The following SNX1 variants were observed in gnomAD, a reference collection of about 807,000 sequenced individuals.
SNX1 encodes the protein sorting nexin-1.
In SNX1, 36 loss-of-function variants were observed where a neutral mutation model predicts 71.8. The observed-to-expected ratio is 0.50, with a 90% confidence interval of 0.38 to 0.66. The LOEUF is 0.66. Ranked by LOEUF, SNX1 falls within the 30% of genes least tolerant of loss-of-function variation. SNX1 has a pLI of 0.00. For missense variants in SNX1, 612 were observed against 646.7 expected (o/e 0.95, Z 0.58); for synonymous variants, 254 against 240.7 (o/e 1.06, Z -0.51).
At chr15:64,101,098 G>C (rs1164448350) in intron 1 of SNX1, among the ~76,000 whole-genome samples, 1 of 152,144 alleles carries the variant, frequency 6.6e-6, no homozygotes. Context: ...CACCACGCTT[G>C]GCCCAAAAAC....
chr15:64,097,557 C>T (rs1211737537), intron 1 of SNX1, among the ~76,000 whole-genome samples: 10 of 152,182 alleles, frequency 6.6e-5, no homozygotes, highest in Admixed American at 6.5e-4. Flanking sequence ...TGCCTCCAGA[C>T]CCTATTCTCC....
At chr15:64,110,360 C>G (rs1281479433) in intron 1 of SNX1, among the ~76,000 whole-genome samples, 1 of 152,078 alleles carries the variant, frequency 6.6e-6, no homozygotes, top group Non-Finnish European at 1.5e-5. Flanking sequence ...TGTTATCTAG[C>G]TTACTAAGGG....
At chr15:64,121,612 A>T (rs1033094605) in intron 4 of SNX1, among the ~76,000 whole-genome samples, 4 of 152,218 alleles carry the variant, frequency 2.6e-5, no homozygotes, top group African/African-American at 9.6e-5. Context: ...ATTCTGAGGA[A>T]CTGGGAGTTA....
In SNX1 at chr15:64,138,778, C is replaced by T. The variant is rs1408951857; in HGVS notation, c.*1160C>T. On this transcript the variant is annotated 3_prime_UTR_variant, in exon 15 of 15. Coordinates refer to ENST00000559844, the MANE Select transcript of SNX1 (RefSeq NM_003099.5). ...CCCCTTAGCTGTGTCCACAGCTGCTCAAGCTATACTGGTCAGAGTGGGCTT... is the reference window on the plus strand; with the variant it reads ...CCCCTTAGCTGTGTCCACAGCTGCTTAAGCTATACTGGTCAGAGTGGGCTT... 1 of 152,360 alleles carries T rather than the reference C, an allele frequency of 6.6e-6. No individual in the cohort carries two copies. Among genetic ancestry groups the T allele is most frequent in the East Asian group, 1.9e-4 (1 of 5,198 alleles). 9.4% of individuals were successfully genotyped at this position (152,360 alleles called of 1,614,324 possible).
chr15:64,125,998 C>G, intron 5 of SNX1, 81 bp from the exon 6 acceptor site: 1 of 1,476,624 alleles, frequency 6.8e-7, no homozygotes, highest in Non-Finnish European at 9.4e-7. Flanking sequence ...AAATGGGTTT[C>G]TTTAATGTCA....
intron 6 of SNX1, among the ~76,000 whole-genome samples, 180 bp downstream of exon 6, chr15:64,126,400 C>G (rs371113211): frequency 1.3e-5 from 2 of 152,150 alleles, no homozygotes; most frequent in South Asian, 4.1e-4. Flanking sequence ...GGCATGTTCT[C>G]CTTGGGTGCA....
intron 2 of SNX1, among the ~76,000 whole-genome samples, chr15:64,117,255 A>C (rs2081139041): frequency 1.3e-5 from 2 of 152,030 alleles, no homozygotes; most frequent in South Asian, 4.2e-4. Context: ...TTTTACAAGC[A>C]ATTTTTTTTC....
chr15:64,126,293 G>T, intron 6 of SNX1, 73 bp downstream of exon 6: 2 of 1,456,956 alleles, frequency 1.4e-6, no homozygotes, highest in South Asian at 2.5e-5. Context: ...TCACTGTTCA[G>T]TATATGAGAC....
intron 4 of SNX1, among the ~76,000 whole-genome samples, chr15:64,119,929 A>G (rs2081178242): frequency 6.6e-6 from 1 of 152,276 alleles, no homozygotes; most frequent in Middle Eastern, 3.4e-3. Flanking sequence ...TGATAACCTT[A>G]TGAGGTGGGG....
rs974561662 is a variant in SNX1, at chr15:64,134,212, G to A, written c.1222-452G>A. 1 of 154,166 alleles carries A rather than the reference G, an allele frequency of 6.5e-6. No individual in the cohort carries two copies. The allele number at this position is 154,166 out of a possible 1,614,324, so 9.5% of individuals were successfully genotyped here. A position where few individuals can be genotyped will look rare whatever the true frequency, so the allele number is the denominator to read the frequency against. ...GTAGTCTGCATACTTGTATCTATTTGTAATTGTAAATGTAATGTTGGCCTT... is the reference window on the plus strand; with the variant it reads ...GTAGTCTGCATACTTGTATCTATTTATAATTGTAAATGTAATGTTGGCCTT... On this transcript the variant is annotated intron_variant, in intron 11 of 14. Transcript: ENST00000559844. This position sits in a 1 kb window ranked among gnomAD's most constrained non-coding sequence, Gnocchi z 4.1.
In SNX1 at chr15:64,134,942, G is replaced by A. The variant is rs1011254375; in HGVS notation, c.1365+135G>A. On this transcript the variant is annotated intron_variant, in intron 12 of 14. Transcript: ENST00000559844. This position sits in a 1 kb window ranked among gnomAD's most constrained non-coding sequence, Gnocchi z 4.1. ...AGTCTAAAGGGCCGTGGCTGCTGAG[G>A]AAGCCTCTGAGAATGACTCCAGGCC... The A allele has an allele frequency of 5.0e-6, 6 of 1,191,204 alleles. No homozygotes were observed. The African/African-American group carries it at 7.7e-5, about 15-fold the overall frequency. 73.8% of individuals were successfully genotyped at this position (1,191,204 alleles called of 1,614,324 possible). A position where few individuals can be genotyped will look rare whatever the true frequency, so the allele number is the denominator to read the frequency against.
chr15:64,112,849 A>G (rs1283967669), intron 2 of SNX1, among the ~76,000 whole-genome samples, 165 bp downstream of exon 2: 1 of 152,232 alleles, frequency 6.6e-6, no homozygotes, highest in Non-Finnish European at 1.5e-5. Context: ...CCTGCCATCA[A>G]GATTCTTTCA....
At chr15:64,110,792 C>T (rs1035423160) in intron 1 of SNX1, among the ~76,000 whole-genome samples, 2 of 152,170 alleles carry the variant, frequency 1.3e-5, no homozygotes, top group Non-Finnish European at 2.9e-5. Context: ...GTGTGTCTGT[C>T]TCTTGAGGGA....
intron 2 of SNX1, among the ~76,000 whole-genome samples, chr15:64,115,381 A>G (rs1225482875): frequency 6.6e-6 from 1 of 152,142 alleles, no homozygotes; most frequent in Non-Finnish European, 1.5e-5. Flanking sequence ...TGACTGTGGA[A>G]ACTTAAACGT....
intron 1 of SNX1, among the ~76,000 whole-genome samples, chr15:64,102,146 T>C (rs945645867): frequency 6.6e-6 from 1 of 152,208 alleles, no homozygotes; most frequent in Non-Finnish European, 1.5e-5. Flanking sequence ...AAATATCTAT[T>C]GAATTTTATT....
intron 2 of SNX1, among the ~76,000 whole-genome samples, chr15:64,116,686 T>C (rs1179959178): frequency 2.0e-5 from 3 of 152,214 alleles, no homozygotes; most frequent in South Asian, 4.1e-4. Context: ...CAAACCCAAA[T>C]TGACATTTAT....
intron 11 of SNX1, 81 bp downstream of exon 11, chr15:64,131,973 C>A: frequency 6.9e-7 from 1 of 1,453,258 alleles, no homozygotes; most frequent in South Asian, 1.2e-5. Flanking sequence ...AAGACAGTTT[C>A]ATCCCATTAT....
intron 2 of SNX1, among the ~76,000 whole-genome samples, chr15:64,117,303 G>A (rs1202753970): frequency 1.3e-5 from 2 of 152,070 alleles, no homozygotes; most frequent in Non-Finnish European, 2.9e-5. Context: ...TGCCCAGGCT[G>A]AAGTGCAGTG....
chr15:64,105,564 G>A (rs1265355196), intron 1 of SNX1, among the ~76,000 whole-genome samples: 1 of 152,172 alleles, frequency 6.6e-6, no homozygotes. Context: ...GACAGCTGGA[G>A]CTTCATTCTG....
Sources: allele counts gnomAD v4.1 joint callset (sites outside exome capture counted in the v4.1 genomes callset), GRCh38; gene constraint gnomAD v4.1.1; non-coding constraint Gnocchi (gnomAD v3.1); transcripts MANE v1.5; gene names NCBI Gene and HGNC (gene_info 2026-07-23, HGNC 2026-07-21).